Variants in NELL1 observed in about 807,000 individuals in gnomAD.
NELL1 encodes protein kinase C-binding protein NELL1.
A neutral mutation model predicts 107.4 loss-of-function variants in NELL1; 76 were observed. The observed-to-expected ratio is 0.71, with a 90% CI of 0.59 to 0.86. NELL1 has a LOEUF of 0.86. Among genes scored for constraint, NELL1 ranks in the 40% least tolerant of loss-of-function variants. The pLI is 0.00. For missense variants in NELL1, 1,024 were observed against 1,005.5 expected (o/e 1.02, Z -0.25); for synonymous variants, 353 against 341.2 (o/e 1.03, Z -0.38).
chr11:21,029,215 C>G (rs932914822), intron 12 of NELL1, among the ~76,000 whole-genome samples: 2 of 152,132 alleles, frequency 1.3e-5, no homozygotes, highest in African/African-American at 4.8e-5. Flanking sequence ...GACACAAGGA[C>G]TCAAATACAG....
At chr11:21,357,447 A>G (rs1486424539) in intron 14 of NELL1, among the ~76,000 whole-genome samples, 3 of 152,076 alleles carry the variant, frequency 2.0e-5, no homozygotes, top group African/African-American at 7.2e-5. Context: ...CCATTTGTAT[A>G]TCTTATTTTG....
chr11:21,335,236 T>C (rs1483044335), intron 14 of NELL1, among the ~76,000 whole-genome samples: 1 of 152,038 alleles, frequency 6.6e-6, no homozygotes, highest in African/African-American at 2.4e-5. Context: ...CTGAGATATT[T>C]CCTATAGATA....
At chr11:21,132,587 G>A (rs1346755505) in intron 13 of NELL1, among the ~76,000 whole-genome samples, 1 of 152,176 alleles carries the variant, frequency 6.6e-6, no homozygotes, top group Non-Finnish European at 1.5e-5. Context: ...GGCTGGACCA[G>A]ATGTACCACA....
At chr11:21,336,564 T>A (rs1850400467) in intron 14 of NELL1, among the ~76,000 whole-genome samples, 1 of 151,622 alleles carries the variant, frequency 6.6e-6, no homozygotes, top group African/African-American at 2.4e-5. Flanking sequence ...TAAAGTTAAT[T>A]GAACAGACAA....
intron 5 of NELL1, among the ~76,000 whole-genome samples, chr11:20,912,413 G>GA (rs1321749699): frequency 5.3e-5 from 8 of 152,102 alleles, no homozygotes; most frequent in African/African-American, 1.9e-4. Flanking sequence ...TTATCAGGAT[G>GA]GTTGATTACC....
intron 13 of NELL1, among the ~76,000 whole-genome samples, chr11:21,143,598 A>G (rs1281291735): frequency 2.0e-5 from 3 of 152,138 alleles, no homozygotes; most frequent in African/African-American, 7.2e-5. Context: ...TAAATATATC[A>G]CTTCATTAAA....
chr11:21,487,400 A>G (rs1401416979), intron 15 of NELL1, among the ~76,000 whole-genome samples: 1 of 152,188 alleles, frequency 6.6e-6, no homozygotes, highest in Admixed American at 6.5e-5. Context: ...CCAGAGAAGC[A>G]AATGCTTAGG....
chr11:21,370,903 A>T lies in NELL1; in HGVS notation c.1600A>T (p.Lys534Ter), dbSNP rs1237502360. 6.2e-7 allele frequency: 1 copy of T among 1,611,844 alleles called. No homozygotes were observed. Among genetic ancestry groups the T allele is most frequent in the Admixed American group, 1.7e-5 (1 of 59,762 alleles). The change falls in exon 15 of 20, where the codon AAA (lysine) becomes TAA (stop). Residue 534 changes from lysine to a stop codon, truncating the protein, a stop_gained. Coordinates refer to ENST00000357134, the MANE Select transcript of NELL1 (RefSeq NM_006157.5). LOFTEE classifies it high-confidence loss of function. ...CGGTGGAACGTGTGTGGCTCCCAAC[A>T]AATGTGTCTGTCCATCTGGATTCAC... is the stretch of plus-strand genomic sequence containing the variant. ...RYGGTCVAPN[K>*]CVCPSGFTGS...
chr11:20,999,309 A>G (rs1306325349), intron 12 of NELL1, among the ~76,000 whole-genome samples: 13 of 152,150 alleles, frequency 8.5e-5, no homozygotes, highest in Non-Finnish European at 1.8e-4. Flanking sequence ...TTAAGCTTTA[A>G]TGTGATGCTA....
intron 12 of NELL1, among the ~76,000 whole-genome samples, chr11:20,965,679 G>A (rs1330177612): frequency 6.6e-6 from 1 of 152,198 alleles, no homozygotes; most frequent in Admixed American, 6.5e-5. Flanking sequence ...AAACTGACAT[G>A]TCTGAAACAG....
At chr11:21,343,354 C>T (rs958189759) in intron 14 of NELL1, among the ~76,000 whole-genome samples, 1 of 152,154 alleles carries the variant, frequency 6.6e-6, no homozygotes, top group Non-Finnish European at 1.5e-5. Flanking sequence ...GCAGGATCAT[C>T]TGCTTTGCAG....
At chr11:21,473,615 C>T (rs1273190752) in intron 15 of NELL1, among the ~76,000 whole-genome samples, 3 of 151,936 alleles carry the variant, frequency 2.0e-5, no homozygotes, top group Non-Finnish European at 4.4e-5. Context: ...GATAACTGTC[C>T]CCATAGCTAA....
At chr11:21,006,150 T>A (rs984927532) in intron 12 of NELL1, among the ~76,000 whole-genome samples, 22 of 152,158 alleles carry the variant, frequency 1.4e-4, no homozygotes, top group Admixed American at 8.5e-4. Context: ...GATTTGAATG[T>A]GTCCCCCAAA....
intron 12 of NELL1, among the ~76,000 whole-genome samples, chr11:21,024,558 CTG>C (rs1294348724): frequency 4.6e-5 from 7 of 152,088 alleles, no homozygotes; most frequent in African/African-American, 1.7e-4. Flanking sequence ...TGAGGAGTAA[CTG>C]GATATAAATT....
chr11:21,202,815 G>T (rs1857300127), intron 13 of NELL1, among the ~76,000 whole-genome samples: 2 of 152,034 alleles, frequency 1.3e-5, no homozygotes, highest in Admixed American at 6.6e-5. Context: ...AGAGATTCTG[G>T]TATGTTGTGT....
intron 5 of NELL1, among the ~76,000 whole-genome samples, chr11:20,895,758 G>T (rs1849723250): frequency 6.6e-6 from 1 of 151,720 alleles, no homozygotes; most frequent in Admixed American, 6.6e-5. Context: ...CACCCACCTC[G>T]GCCTCCCAAA....
intron 13 of NELL1, among the ~76,000 whole-genome samples, chr11:21,217,752 T>G (rs1857651660): frequency 6.6e-6 from 1 of 152,144 alleles, no homozygotes; most frequent in South Asian, 2.1e-4. Flanking sequence ...AAGGTTACTT[T>G]GAACAAAATA....
chr11:21,539,847 T>C (rs535097166), intron 16 of NELL1, among the ~76,000 whole-genome samples: 1 of 151,622 alleles, frequency 6.6e-6, no homozygotes, highest in African/African-American at 2.4e-5. Flanking sequence ...TAGGGCCATT[T>C]AGGGCCATTT....
chr11:20,699,067 A>T (rs1181269298), intron 2 of NELL1, among the ~76,000 whole-genome samples: 6 of 151,890 alleles, frequency 4.0e-5, no homozygotes, highest in Admixed American at 3.9e-4. Flanking sequence ...AAATACAAAA[A>T]TTAGCTGGGC....
Sources: allele counts gnomAD v4.1 joint callset (sites outside exome capture counted in the v4.1 genomes callset), GRCh38; gene constraint gnomAD v4.1.1; transcripts MANE v1.5; gene names NCBI Gene and HGNC (gene_info 2026-07-23, HGNC 2026-07-21).